Variants in ZNF486 observed in about 807,000 individuals in gnomAD.
ZNF486 encodes zinc finger protein 486, also known as KRAB box only protein 2.
In ZNF486, 12 loss-of-function variants were observed where a neutral mutation model predicts 12.8. That is an observed-to-expected ratio of 0.94 (90% CI 0.60 to 1.52). ZNF486 has a LOEUF of 1.52. ZNF486 is among the 40% of genes most tolerant of loss of function. The probability of loss-of-function intolerance (pLI) is 0.00; values close to 1 mark genes in which losing one functional copy is unlikely to be tolerated. For synonymous variants in ZNF486, 231 were observed against 184.9 expected (o/e 1.25, Z -2.02); for missense variants, 738 against 545.0 (o/e 1.35, Z -3.53).
In ZNF486 at chr19:20,173,705, G is replaced by T. The variant is rs184418335; in HGVS notation, c.30+6345G>T. On this transcript the variant is annotated intron_variant, in intron 1 of 3. Coordinates refer to ENST00000335117, the MANE Select transcript of ZNF486 (RefSeq NM_052852.4). ...AAATTAGTCAGGCGTGGTGGCGGGC[G>T]CCTGTAGTCCCAGCTACTTGGGAGG... 2.0e-5 allele frequency among the ~76,000 whole-genome samples: 3 copies of T among 151,976 alleles called. No individual in the cohort carries two copies. In the South Asian group the frequency reaches 6.2e-4, roughly 32 times the overall value.
At position 20,197,112 on chromosome 19, in the gene ZNF486, A is replaced by G. The variant is rs782753001; in HGVS notation, c.402A>G (p.Leu134=). The G allele has an allele frequency of 2.5e-6, 4 of 1,613,830 alleles. No individual in the cohort carries two copies. Among genetic ancestry groups the G allele is most frequent in the Non-Finnish European group, 3.4e-6 (4 of 1,179,936 alleles). Residue 134 remains leucine (L), a synonymous_variant, in exon 4 of 4, where the codon TTA becomes TTG. Transcript: ENST00000335117. The stretch of plus-strand genomic sequence containing the variant: ...GTGAAAGTGTGGATGAGTGTAAGTT[A>G]CACAAAAGAGGTTATAATGGACTTA... ...KGCESVDECK[L]HKRGYNGLNQ...
Position 20,167,219 on chromosome 19 carries a change from T to C in ZNF486, c.-112T>C. The C allele has an allele frequency of 7.3e-7, 1 of 1,374,232 alleles. No homozygotes were observed. The highest frequency in any genetic ancestry group is 1.0e-6 in the Non-Finnish European group (1 of 965,594). 85.1% of individuals were successfully genotyped at this position (1,374,232 alleles called of 1,614,324 possible). A position where few individuals can be genotyped will look rare whatever the true frequency, so the allele number is the denominator to read the frequency against. On this transcript the variant is annotated 5_prime_UTR_variant, in exon 1 of 4. Transcript: ENST00000335117. ...CCGGGTTTGGCGCGGCCTTTGTCTC[T>C]CGCTGCATCTGGAGCTCTAGGTCGC...
chr19:20,192,278 A>T (rs1453585251), intron 3 of ZNF486, among the ~76,000 whole-genome samples: 7 of 152,074 alleles, frequency 4.6e-5, no homozygotes, highest in African/African-American at 1.7e-4. Flanking sequence ...CCACTGAGGC[A>T]TTCTATAGCT....
At position 20,197,111 on chromosome 19, in the gene ZNF486, T is replaced by C. The variant is rs782073837; in HGVS notation, c.401T>C (p.Leu134Ser). The C allele has an allele frequency of 2.5e-6, 4 of 1,613,708 alleles. No homozygotes were observed. Among genetic ancestry groups the C allele is most frequent in the Non-Finnish European group, 3.4e-6 (4 of 1,179,920 alleles). ...TGTGAAAGTGTGGATGAGTGTAAGT[T>C]ACACAAAAGAGGTTATAATGGACTT... ...KGCESVDECK[L>S]HKRGYNGLNQ... The change falls in exon 4 of 4, where the codon TTA becomes TCA. Residue 134 changes from leucine to serine, a missense_variant. Leu to Ser is a moderately radical substitution (Grantham distance 145). Transcript: ENST00000335117.
intron 1 of ZNF486, chr19:20,175,055 G>A (rs1268972003): frequency 6.6e-6 from 1 of 152,154 alleles, no homozygotes; most frequent in Non-Finnish European, 1.5e-5. Context: ...TTTCAATATA[G>A]AACCTCCATT....
At chr19:20,186,784 G>GTTTTTTTTTTTTTTTTTTT (rs57907168) in intron 3 of ZNF486, among the ~76,000 whole-genome samples, 2 of 122,482 alleles carry the variant, frequency 1.6e-5, no homozygotes, top group African/African-American at 3.3e-5. Flanking sequence ...ATTTTCATAG[G>GTTTTTTTTTTTTTTTTTTT]TTTTTTTTTT....
chr19:20,198,060 T>G lies in ZNF486; in HGVS notation c.1350T>G (p.Asn450Lys), dbSNP rs1229278831. ...CTTTTAACTGGTCCTCAGACCTTAATAAACATAAGAGAATTCATATTGGAC... is the reference window on the plus strand; with the variant it reads ...CTTTTAACTGGTCCTCAGACCTTAAGAAACATAAGAGAATTCATATTGGAC... ...GKAFNWSSDL[N>K]KHKRIHIGQK... The change falls in exon 4 of 4, where the codon AAT becomes AAG. Residue 450 changes from asparagine (N) to lysine (K), a missense_variant. Transcript: ENST00000335117. 1.2e-6 allele frequency: 2 copies of G among 1,608,536 alleles called. No homozygotes were observed. The highest frequency in any genetic ancestry group is 1.7e-6 in the Non-Finnish European group (2 of 1,177,094).
At chr19:20,176,231 G>T (rs533705785) in intron 1 of ZNF486, 157 of 193,946 alleles carry the variant, frequency 8.1e-4, no homozygotes, top group Non-Finnish European at 3.3e-4. Context: ...TACGATGGGC[G>T]GCCGGGCAGA....
chr19:20,172,392 A>G (rs1324238457), intron 1 of ZNF486, among the ~76,000 whole-genome samples: 2 of 142,566 alleles, frequency 1.4e-5, no homozygotes, highest in African/African-American at 2.6e-5. Flanking sequence ...TGCAACCTTC[A>G]CCTTCGAGTG....
At chr19:20,169,482 C>T (rs1035463945) in intron 1 of ZNF486, among the ~76,000 whole-genome samples, 1 of 152,134 alleles carries the variant, frequency 6.6e-6, no homozygotes, top group African/African-American at 2.4e-5. Flanking sequence ...CCTGCTCACC[C>T]CACCCATGGA....
At chr19:20,181,051 A>G (rs1289694588) in intron 1 of ZNF486, among the ~76,000 whole-genome samples, 1 of 152,176 alleles carries the variant, frequency 6.6e-6, no homozygotes, top group Non-Finnish European at 1.5e-5. Flanking sequence ...CATAGAGAAC[A>G]GAATTCTACA....
chr19:20,186,143 A>G, intron 3 of ZNF486, 61 bp downstream of exon 3: 1 of 1,296,666 alleles, frequency 7.7e-7, no homozygotes, highest in Admixed American at 2.6e-5. Flanking sequence ...AAGGTCAAAA[A>G]GAAAGCCAGT....
rs1429625469 is a variant in ZNF486 at position 20,197,064 on chromosome 19, C to T, written c.354C>T (p.Gly118=). The T allele has an allele frequency of 1.4e-5, 23 of 1,612,326 alleles. No homozygotes were observed. Among genetic ancestry groups the T allele is most frequent in the Non-Finnish European group, 1.9e-5 (22 of 1,179,698 alleles). The stretch of plus-strand genomic sequence containing the variant: ...GAAAATTTGAAAAATGTGGACATGG[C>T]AATTTACACTTTAAAAAAGGCTGTG... ...ILRKFEKCGH[G]NLHFKKGCES... is the part of the protein sequence containing the mutation. The change falls in exon 4 of 4, where the codon GGC becomes GGT. Residue 118 remains glycine (G), a synonymous_variant. Transcript: ENST00000335117.
Position 20,198,175 on chromosome 19 carries a change from G to T in ZNF486, c.*73G>T, listed in dbSNP as rs2089980541. ...GTTGTTTCCCAGGCTGGAGTGCAATGGCATAATTTTGGCTCACCACAACCT... is the reference window on the plus strand; with the variant it reads ...GTTGTTTCCCAGGCTGGAGTGCAATTGCATAATTTTGGCTCACCACAACCT... On this transcript the variant is annotated 3_prime_UTR_variant, in exon 4 of 4. Transcript: ENST00000335117. 5.0e-6 allele frequency: 7 copies of T among 1,409,184 alleles called. 1 individual carries two copies. In the South Asian group the frequency reaches 1.1e-4, roughly 21 times the overall value. 87.3% of individuals were successfully genotyped at this position (1,409,184 alleles called of 1,614,324 possible). A position where few individuals can be genotyped will look rare whatever the true frequency, so the allele number is the denominator to read the frequency against.
At position 20,199,857 on chromosome 19, in the gene ZNF486, C is replaced by T. The variant is rs113895681; in HGVS notation, c.*1755C>T. 0.08 allele frequency: 12,137 copies of T among 152,134 alleles called. 669 individuals carry two copies. Among genetic ancestry groups the T allele is most frequent in the African/African-American group, 0.16 (6,618 of 41,512 alleles). The allele number at this position is 152,134 out of a possible 1,614,324, so 9.4% of individuals were successfully genotyped here. A position where few individuals can be genotyped will look rare whatever the true frequency, so the allele number is the denominator to read the frequency against. ...TTGGGAGGCCAAGGCAGGTGGATCA[C>T]GAGGTCAGGAGTTCAAGACCATCTT... is the stretch of plus-strand genomic sequence containing the variant. On this transcript the variant is annotated 3_prime_UTR_variant, in exon 4 of 4. Coordinates refer to ENST00000335117, the MANE Select transcript of ZNF486 (RefSeq NM_052852.4).
chr19:20,169,189 A>G (rs561170178), intron 1 of ZNF486, among the ~76,000 whole-genome samples: 1 of 151,954 alleles, frequency 6.6e-6, no homozygotes, highest in East Asian at 1.9e-4. Flanking sequence ...ATCTCGGCTC[A>G]CCGCATCCTC....
intron 3 of ZNF486, among the ~76,000 whole-genome samples, chr19:20,187,851 C>T (rs1001141106): frequency 6.6e-6 from 1 of 151,928 alleles, no homozygotes; most frequent in East Asian, 1.9e-4. Flanking sequence ...TTTTGTTGGG[C>T]CCTTAGGGTG....
At chr19:20,171,619 A>G (rs1186297027) in intron 1 of ZNF486, among the ~76,000 whole-genome samples, 1 of 152,260 alleles carries the variant, frequency 6.6e-6, no homozygotes, top group Non-Finnish European at 1.5e-5. Context: ...ATGCACACAG[A>G]AATAAATCAG....
chr19:20,197,756 C>T lies in ZNF486; in HGVS notation c.1046C>T (p.Pro349Leu). ...KHEKIHTGEK[P>L]YKCEECGKAF... ...GAGAAGATTCATACGGGAGAGAAAC[C>T]CTACAAATGTGAAGAATGTGGCAAA... The change falls in exon 4 of 4, where the codon CCC (proline) becomes CTC (leucine). Residue 349 changes from proline to leucine, a missense_variant. Coordinates refer to ENST00000335117, the MANE Select transcript of ZNF486 (RefSeq NM_052852.4). 2 of 1,613,878 alleles carry T rather than the reference C, an allele frequency of 1.2e-6. No individual in the cohort carries two copies. Among genetic ancestry groups the T allele is most frequent in the East Asian group, 2.2e-5 (1 of 44,870 alleles).
Sources: allele counts gnomAD v4.1 joint callset (sites outside exome capture counted in the v4.1 genomes callset), GRCh38; gene constraint gnomAD v4.1.1; transcripts MANE v1.5; gene names NCBI Gene and HGNC (gene_info 2026-07-23, HGNC 2026-07-21).